The following C12orf56 variants were observed in gnomAD, a reference collection of about 807,000 sequenced individuals.
C12orf56 encodes chromosome 12 open reading frame 56.
A neutral mutation model predicts 69.9 loss-of-function variants in C12orf56; 71 were observed. The observed-to-expected ratio is 1.02, with a 90% CI of 0.84 to 1.24. The LOEUF (loss-of-function observed/expected upper bound fraction) is 1.24. C12orf56 is among the 50% of genes most tolerant of loss of function. The probability of loss-of-function intolerance (pLI) is 0.00; values close to 1 mark genes in which losing one functional copy is unlikely to be tolerated. For synonymous variants in C12orf56, 276 were observed against 274.1 expected (o/e 1.01, Z -0.07); for missense variants, 732 against 738.5 (o/e 0.99, Z 0.10).
At chr12:64,286,391 C>G (rs1468448960) in intron 6 of C12orf56, among the ~76,000 whole-genome samples, 1 of 152,150 alleles carries the variant, frequency 6.6e-6, no homozygotes, top group Non-Finnish European at 1.5e-5. Context: ...AAATGGGTCT[C>G]CTATAATTTC....
At chr12:64,308,487 A>T (rs986982445) in intron 5 of C12orf56, among the ~76,000 whole-genome samples, 1 of 152,150 alleles carries the variant, frequency 6.6e-6, no homozygotes, top group African/African-American at 2.4e-5. Context: ...ATCATCAAGC[A>T]ATAAAATTTT....
intron 3 of C12orf56, among the ~76,000 whole-genome samples, chr12:64,324,484 AAG>A (rs1200735242): frequency 6.6e-6 from 1 of 152,222 alleles, no homozygotes; most frequent in Non-Finnish European, 1.5e-5. Flanking sequence ...AAGGATGAGA[AAG>A]AGTGAGCCAT....
rs532330186 is a variant in C12orf56, at chr12:64,348,912, T to A, written c.415+3982A>T. ...TGGAATAAAAGAAAAACGTAAGGAC[T>A]CATGAAGAGCTGAATTGTCCACAAA... On this transcript the variant is annotated intron_variant, in intron 2 of 12. Coordinates refer to ENST00000543942, the MANE Select transcript of C12orf56 (RefSeq NM_001170633.2). Among the ~76,000 whole-genome samples, 118 of 152,326 alleles carry A rather than the reference T, an allele frequency of 7.7e-4. 3 individuals are homozygous for A. Among genetic ancestry groups the A allele is most frequent in the Non-Finnish European group, 7.1e-4 (48 of 68,032 alleles).
At chr12:64,275,066 A>T in intron 10 of C12orf56, 91 bp from the exon 11 acceptor site, 1 of 1,206,408 alleles carries the variant, frequency 8.3e-7, no homozygotes, top group South Asian at 1.4e-5. Context: ...TTTTATCCTG[A>T]TTAATCGAAT....
chr12:64,304,458 G>C (rs1367437216), intron 5 of C12orf56, among the ~76,000 whole-genome samples: 1 of 152,094 alleles, frequency 6.6e-6, no homozygotes, highest in Non-Finnish European at 1.5e-5. Context: ...CTAAGGAAAA[G>C]CTGGCTTAGC....
At chr12:64,270,853 G>A in intron 11 of C12orf56, 139 bp from the exon 12 acceptor site, 1 of 691,182 alleles carries the variant, frequency 1.4e-6, no homozygotes, top group South Asian at 2.2e-5. Context: ...TTATTGAAAT[G>A]GTATCCAATG....
intron 1 of C12orf56, among the ~76,000 whole-genome samples, chr12:64,364,213 G>A (rs796220757): frequency 1.2e-4 from 18 of 152,042 alleles, no homozygotes; most frequent in African/African-American, 4.3e-4. Context: ...CTTGTGGGAG[G>A]TCGAGGTTGC....
chr12:64,352,383 C>A (rs890198542), intron 2 of C12orf56: 13 of 152,306 alleles, frequency 8.5e-5, no homozygotes, highest in African/African-American at 3.1e-4. Flanking sequence ...AAAACAGCGC[C>A]CCCTGTCAGC....
At position 64,328,705 on chromosome 12, in the gene C12orf56, A is replaced by G. The variant is rs1266903444; in HGVS notation, c.488+2255T>C. On this transcript the variant is annotated intron_variant, in intron 3 of 12. Transcript: ENST00000543942. ...AAAAAAAAAAAAAAAAAAAAAAAAA[A>G]AATATATATATATATATATATATAT... Among the ~76,000 whole-genome samples the G allele has an allele frequency of 5.5e-3, 41 of 7,522 alleles. 2 individuals carry two copies. The highest frequency in any genetic ancestry group is 0.047 in the East Asian group (7 of 148). 4.9% of individuals were successfully genotyped at this position (7,522 alleles called of 152,430 possible).
chr12:64,354,402 G>A (rs557111423), intron 1 of C12orf56, among the ~76,000 whole-genome samples: 2 of 152,056 alleles, frequency 1.3e-5, no homozygotes, highest in Non-Finnish European at 2.9e-5. Context: ...TCTGTGCAGT[G>A]CACTTGTCTG....
chr12:64,340,802 A>G (rs7307705), intron 2 of C12orf56, among the ~76,000 whole-genome samples: 49,456 of 151,990 alleles, frequency 0.33, 8,424 homozygotes, highest in Non-Finnish European at 0.39. Context: ...CCCATTCTGT[A>G]TTCTTTTTGC....
chr12:64,380,132 AAACAAAACAAAC>A (rs1377950414), intron 1 of C12orf56, among the ~76,000 whole-genome samples: 21 of 48,582 alleles, frequency 4.3e-4, no homozygotes, highest in African/African-American at 8.7e-4. Flanking sequence ...AAAAAAAAAA[AAACAAAACAAAC>A]AAAAAAAAAC....
chr12:64,284,808 G>A, intron 7 of C12orf56, 55 bp from the exon 8 acceptor site: 1 of 1,354,604 alleles, frequency 7.4e-7, no homozygotes, highest in African/African-American at 1.5e-5. Flanking sequence ...TAGAAGCTCA[G>A]AATTCCACAA....
intron 2 of C12orf56, among the ~76,000 whole-genome samples, chr12:64,339,618 A>G (rs2039047891): frequency 1.3e-5 from 2 of 152,054 alleles, no homozygotes; most frequent in Admixed American, 6.6e-5. Flanking sequence ...GCTTCAGTGC[A>G]GTGGTGTGAT....
At chr12:64,324,246 T>C (rs181625151) in intron 3 of C12orf56, among the ~76,000 whole-genome samples, 1 of 152,318 alleles carries the variant, frequency 6.6e-6, no homozygotes, top group East Asian at 1.9e-4. Flanking sequence ...ACTAGAAATA[T>C]ATCAGTGCAC....
intron 2 of C12orf56, among the ~76,000 whole-genome samples, chr12:64,336,543 A>C (rs567670910): frequency 6.6e-6 from 1 of 152,316 alleles, no homozygotes; most frequent in Admixed American, 6.5e-5. Context: ...GGCAACCAAC[A>C]CCAATTAGAT....
intron 2 of C12orf56, among the ~76,000 whole-genome samples, chr12:64,333,970 A>G (rs1288885936): frequency 1.3e-5 from 2 of 152,204 alleles, no homozygotes; most frequent in Non-Finnish European, 2.9e-5. Flanking sequence ...AATAATGACA[A>G]AAGAGCCTGA....
intron 2 of C12orf56, among the ~76,000 whole-genome samples, chr12:64,348,787 C>T (rs192541244): frequency 1.3e-5 from 2 of 152,174 alleles, no homozygotes; most frequent in African/African-American, 4.8e-5. Flanking sequence ...AGTTTTTTGT[C>T]TTGTCTTGAT....
chr12:64,343,253 A>G (rs2039098363), intron 2 of C12orf56, among the ~76,000 whole-genome samples: 1 of 152,122 alleles, frequency 6.6e-6, no homozygotes, highest in African/African-American at 2.4e-5. Flanking sequence ...TTTTTTTCCT[A>G]TCCTCTAGCA....
Sources: allele counts gnomAD v4.1 joint callset (sites outside exome capture counted in the v4.1 genomes callset), GRCh38; gene constraint gnomAD v4.1.1; transcripts MANE v1.5; gene names NCBI Gene and HGNC (gene_info 2026-07-23, HGNC 2026-07-21).